ACER1: variants seen among roughly 807,000 people sequenced by gnomAD.
The protein encoded by ACER1 is CTB-180A7.3.
Under a neutral mutation model 24.9 loss-of-function variants are expected in ACER1, and 28 were observed. The ratio of observed to expected loss-of-function variants is 1.13; its 90% CI spans 0.83 to 1.54. The LOEUF is 1.54. Ranked by LOEUF, ACER1 falls within the 40% of genes most tolerant of loss-of-function variation. ACER1 has a pLI of 0.00. For missense variants in ACER1, 352 were observed against 349.3 expected, an observed-to-expected ratio of 1.01 and a Z score of -0.06; for synonymous variants, 132 against 131.4, an observed-to-expected ratio of 1.00 and a Z score of -0.03.
chr19:6,324,754 CAAAAT>C (rs2091650524), intron 1 of ACER1, among the ~76,000 whole-genome samples: 1 of 110,058 alleles, frequency 9.1e-6, no homozygotes, highest in South Asian at 2.9e-4. Context: ...CATCTCAAAA[CAAAAT>C]AAAATAAAGA....
At chr19:6,333,396 TG>T in intron 1 of ACER1, 62 bp downstream of exon 1, 1 of 1,389,342 alleles carries the variant, frequency 7.2e-7, no homozygotes, top group Non-Finnish European at 9.9e-7. Flanking sequence ...TAAGGCTGTA[TG>T]GGGAGGAACC....
At chr19:6,312,777 G>A (rs1490299280) in intron 1 of ACER1, among the ~76,000 whole-genome samples, 3 of 151,410 alleles carry the variant, frequency 2.0e-5, no homozygotes, top group Non-Finnish European at 4.4e-5. Context: ...CCAGGTTCGA[G>A]CGATTCTCCT....
rs1600235526 is a variant in ACER1 at position 6,312,251 on chromosome 19, A to C, written c.248T>G (p.Leu83Arg). The change falls in exon 3 of 6, where the codon CTG becomes CGG. Residue 83 changes from leucine (L) to arginine (R), a missense_variant. Physicochemically the swap from Leu to Arg is moderately radical, Grantham distance 102 (BLOSUM62 -2). Transcript: ENST00000301452. ...SMYFHMTLSFLGQLLDEIAIL... is the reference protein window; with the variant it reads ...SMYFHMTLSFRGQLLDEIAIL... ...GGCGATCTCGTCCAGCAGCTGGCCC[A>C]GGAAGCTGAGCGTCATGTGGAAATA... 6.2e-7 allele frequency: 1 copy of C among 1,614,114 alleles called. No homozygotes were observed. Among genetic ancestry groups the C allele is most frequent in the African/African-American group, 1.3e-5 (1 of 75,050 alleles).
In ACER1 at chr19:6,328,833, A is replaced by ATT. The variant is rs147803168; in HGVS notation, c.93+4624_93+4625dup. On this transcript the variant is annotated intron_variant, in intron 1 of 5. Coordinates refer to ENST00000301452, the MANE Select transcript of ACER1 (RefSeq NM_133492.3). ...GGATGCATGCCACCATGCCTGGCTA[A>ATT]TTTTTTTTTTTTTGTAATTTTGATA... Among the ~76,000 whole-genome samples, 1,054 of 145,438 alleles carry ATT rather than the reference A, an allele frequency of 7.2e-3. 6 individuals carry two copies. Among genetic ancestry groups the ATT allele is most frequent in the African/African-American group, 0.024 (952 of 39,560 alleles).
At chr19:6,313,868 G>A (rs887907189) in intron 1 of ACER1, among the ~76,000 whole-genome samples, 1 of 152,248 alleles carries the variant, frequency 6.6e-6, no homozygotes, top group Non-Finnish European at 1.5e-5. Context: ...CCACCACGCT[G>A]GAGAAACCAT....
chr19:6,311,658 G>A (rs1194419513), intron 3 of ACER1, among the ~76,000 whole-genome samples: 1 of 150,212 alleles, frequency 6.7e-6, no homozygotes, highest in East Asian at 2.0e-4. Context: ...GGAGAAGGAG[G>A]AGGAGAAGGA....
intron 1 of ACER1, among the ~76,000 whole-genome samples, chr19:6,323,501 G>C (rs2091643426): frequency 6.6e-6 from 1 of 152,078 alleles, no homozygotes; most frequent in South Asian, 2.1e-4. Context: ...ATCCACGTAA[G>C]ATGTGACTTG....
At chr19:6,351,133 G>A in the ACER1 span, among the ~76,000 whole-genome samples, 6 of 152,180 alleles carry the variant, frequency 3.9e-5, no homozygotes, top group East Asian at 3.9e-4. Context: ...TTGGGAGGCT[G>A]AGGCGGGCGG....
intron 1 of ACER1, among the ~76,000 whole-genome samples, chr19:6,315,525 G>GC (rs771027000): frequency 5.9e-5 from 9 of 152,072 alleles, no homozygotes; most frequent in South Asian, 4.1e-4. Context: ...GACTACAGGT[G>GC]CACGCCGCCA....
intron 1 of ACER1, among the ~76,000 whole-genome samples, chr19:6,319,046 G>A (rs927681730): frequency 6.6e-6 from 1 of 152,068 alleles, no homozygotes; most frequent in Admixed American, 6.6e-5. Context: ...CATTGCAGAA[G>A]TGCATTGCCC....
intron 4 of ACER1, among the ~76,000 whole-genome samples, chr19:6,308,768 A>G (rs948138964): frequency 6.6e-6 from 1 of 152,164 alleles, no homozygotes. Context: ...ATTAGGGGTG[A>G]AATTGTATGA....
At chr19:6,325,375 G>A (rs1033755825) in intron 1 of ACER1, among the ~76,000 whole-genome samples, 1 of 152,172 alleles carries the variant, frequency 6.6e-6, no homozygotes, top group Non-Finnish European at 1.5e-5. Flanking sequence ...GACCTTGGCC[G>A]GGTGCAGTGG....
At chr19:6,324,858 A>AAG (rs1568312201) in intron 1 of ACER1, among the ~76,000 whole-genome samples, 6 of 130,992 alleles carry the variant, frequency 4.6e-5, no homozygotes, top group East Asian at 2.4e-4. Flanking sequence ...AGAGAGAGAG[A>AAG]GAAAGGAAGG....
chr19:6,318,654 C>T (rs1428031392), intron 1 of ACER1, among the ~76,000 whole-genome samples: 1 of 144,266 alleles, frequency 6.9e-6, no homozygotes, highest in African/African-American at 2.6e-5. Context: ...GGTGTGGTGG[C>T]AGGCGCCTGT....
At chr19:6,340,512 A>C in the ACER1 span, among the ~76,000 whole-genome samples, 1 of 152,130 alleles carries the variant, frequency 6.6e-6, no homozygotes, top group Non-Finnish European at 1.5e-5. Flanking sequence ...CTGCCACCCC[A>C]GCTCCCCAGT....
chr19:6,346,353 C>A, the ACER1 span, among the ~76,000 whole-genome samples: 2 of 152,004 alleles, frequency 1.3e-5, no homozygotes, highest in African/African-American at 4.8e-5. Flanking sequence ...GGCATTATGT[C>A]ATTTCTACTG....
chr19:6,348,452 G>A, the ACER1 span, among the ~76,000 whole-genome samples: 4 of 142,348 alleles, frequency 2.8e-5, no homozygotes, highest in African/African-American at 1.1e-4. Context: ...GTGGTAGAGT[G>A]AGACTCCATC....
chr19:6,355,607 T>A, the ACER1 span, among the ~76,000 whole-genome samples: 1 of 142,136 alleles, frequency 7.0e-6, no homozygotes, highest in Non-Finnish European at 1.5e-5. Flanking sequence ...AGCCGCCCCG[T>A]CCGGGAGGGA....
At chr19:6,337,708 C>T (rs188002498), upstream of ACER1, among the ~76,000 whole-genome samples, 9 of 87,426 alleles carry the variant, frequency 1.0e-4, no homozygotes, top group East Asian at 3.5e-3. Context: ...TGGAGTCTTG[C>T]TCTGTCGCCC....
Sources: gnomAD v4.1 joint callset for allele counts (sites outside exome capture counted in the v4.1 genomes callset) on GRCh38, gnomAD v4.1.1 for gene constraint, MANE v1.5 for transcripts, NCBI Gene and HGNC (gene_info 2026-07-23, HGNC 2026-07-21) for gene names.